Variants in PLEKHG1 observed in about 807,000 individuals in gnomAD.
PLEKHG1 encodes the protein pleckstrin homology and RhoGEF domain containing G1, also known as pleckstrin homology domain-containing family G member 1.
A neutral mutation model predicts 100.8 loss-of-function variants in PLEKHG1; 44 were observed. That is an observed-to-expected ratio of 0.44 (90% CI 0.34 to 0.56). PLEKHG1 has a LOEUF of 0.56. PLEKHG1 is among the 20% of genes least tolerant of loss of function. The probability of loss-of-function intolerance (pLI) is 0.01; values close to 1 mark genes in which losing one functional copy is unlikely to be tolerated. For synonymous variants in PLEKHG1, 640 were observed against 662.5 expected (o/e 0.97, Z 0.52); for missense variants, 1,545 against 1,720.9 (o/e 0.90, Z 1.81).
At chr6:150,761,222 C>T (rs190578148) in intron 2 of PLEKHG1, among the ~76,000 whole-genome samples, 3 of 151,200 alleles carry the variant, frequency 2.0e-5, no homozygotes, top group Non-Finnish European at 2.9e-5. Context: ...TCTCCTGCCT[C>T]GGCCTCCCAA....
chr6:150,823,926 C>G (rs1282925415), intron 14 of PLEKHG1, among the ~76,000 whole-genome samples: 3 of 152,218 alleles, frequency 2.0e-5, no homozygotes, highest in Non-Finnish European at 4.4e-5. Flanking sequence ...TCCTCTGCCC[C>G]ATATCACACC....
Position 150,658,400 on chromosome 6 carries a change from C to G in PLEKHG1, c.-99+7614C>G, listed in dbSNP as rs1019649686. 1.9e-4 allele frequency among the ~76,000 whole-genome samples: 29 copies of G among 152,056 alleles called. 1 individual carries two copies. Among genetic ancestry groups the G allele is most frequent in the African/African-American group, 6.8e-4 (28 of 41,392 alleles). On this transcript the variant is annotated intron_variant, in intron 3 of 3. Coordinates refer to the PLEKHG1 transcript ENST00000367326. ...CTTTGTCTTAAAAAAAAATGTGAGG[C>G]CTGGCTTCTTATAGTGTTGTAACTT...
rs529177946 is a variant in PLEKHG1, at chr6:150,617,834, T to C, written c.-204+17817T>C. ...TTATTGATGGGTATATCAGCAGCCATTGTTTTGTGTAAGGCCTGGGGTGTG... is the reference window on the plus strand; with the variant it reads ...TTATTGATGGGTATATCAGCAGCCACTGTTTTGTGTAAGGCCTGGGGTGTG... On this transcript the variant is annotated intron_variant, in intron 1 of 3. Transcript: ENST00000367326. Among the ~76,000 whole-genome samples the C allele has an allele frequency of 1.2e-4, 18 of 152,252 alleles. No individual in the cohort carries two copies. The South Asian group carries it at 1.7e-3, about 14-fold the overall frequency.
intron 2 of PLEKHG1, among the ~76,000 whole-genome samples, chr6:150,760,920 T>C (rs373172045): frequency 9.2e-5 from 14 of 152,210 alleles, no homozygotes; most frequent in African/African-American, 3.1e-4. Flanking sequence ...ATAAGGACTT[T>C]TCTAATTGTT....
In PLEKHG1 at chr6:150,711,299, C is replaced by T. The variant is rs1278393626; in HGVS notation, c.-98-22285C>T. On this transcript the variant is annotated intron_variant, in intron 3 of 3. Coordinates refer to the PLEKHG1 transcript ENST00000367326. ...GCAGCTCTCCCCTTTGACCTCCCTG[C>T]ACCGCTCCCCATCACTGAACCCTGC... 2.0e-5 allele frequency among the ~76,000 whole-genome samples: 3 copies of T among 152,128 alleles called. No individual in the cohort carries two copies. In the South Asian group the frequency reaches 6.2e-4, roughly 32 times the overall value.
At chr6:150,670,875 C>G (rs941281428) in intron 3 of PLEKHG1, among the ~76,000 whole-genome samples, 51 of 148,810 alleles carry the variant, frequency 3.4e-4, no homozygotes, top group African/African-American at 1.2e-3. Context: ...CCTTGCCCCC[C>G]CCTCCCATTC....
intron 1 of PLEKHG1, among the ~76,000 whole-genome samples, chr6:150,635,139 C>T (rs1777940712): frequency 6.6e-6 from 1 of 152,216 alleles, no homozygotes; most frequent in Non-Finnish European, 1.5e-5. Flanking sequence ...TTGACTTTCA[C>T]ACAAATGTTT....
chr6:150,796,196 C>T (rs571297193), intron 5 of PLEKHG1, among the ~76,000 whole-genome samples: 6 of 152,276 alleles, frequency 3.9e-5, no homozygotes, highest in South Asian at 2.1e-4. Context: ...TGCATCAGGC[C>T]GCAAGTCTTG....
intron 3 of PLEKHG1, among the ~76,000 whole-genome samples, chr6:150,707,984 G>A (rs1163409372): frequency 2.6e-5 from 4 of 152,032 alleles, no homozygotes; most frequent in East Asian, 1.9e-4. Flanking sequence ...CCCCTGCCCC[G>A]GATATTCAGC....
At chr6:150,821,677 G>A (rs186969304) in intron 13 of PLEKHG1, among the ~76,000 whole-genome samples, 309 of 151,660 alleles carry the variant, frequency 2.0e-3, no homozygotes, top group Non-Finnish European at 3.6e-3. Flanking sequence ...GAGTGAGACC[G>A]TGTCACAAAA....
chr6:150,607,874 T>G (rs1776667756), intron 1 of PLEKHG1, among the ~76,000 whole-genome samples: 1 of 152,186 alleles, frequency 6.6e-6, no homozygotes, highest in African/African-American at 2.4e-5. Context: ...GAAAGCACTT[T>G]GGGAAATATT....
chr6:150,641,337 A>G (rs370089938), intron 2 of PLEKHG1, among the ~76,000 whole-genome samples: 5 of 152,326 alleles, frequency 3.3e-5, no homozygotes, highest in African/African-American at 1.2e-4. Context: ...TGCAAAAGAG[A>G]TGATCTGTGA....
chr6:150,816,724 C>T (rs763131117), intron 10 of PLEKHG1, among the ~76,000 whole-genome samples: 61 of 152,154 alleles, frequency 4.0e-4, no homozygotes, highest in Non-Finnish European at 7.2e-4. Context: ...TTAATTGCTC[C>T]TTGACACTCA....
chr6:150,628,576 A>ACACACACACACACACACACC lies in PLEKHG1; in HGVS notation c.-203-9503_-203-9502insACACACACACACACACACCC, dbSNP rs1317085737. ...CACACACACACACACACACACACAC[A>ACACACACACACACACACACC]CCCCGTCCTTGCCCTCCTGCACTGA... On this transcript the variant is annotated intron_variant, in intron 1 of 3. Transcript: ENST00000367326. 9.9e-4 allele frequency among the ~76,000 whole-genome samples: 107 copies of ACACACACACACACACACACC among 108,180 alleles called. 1 individual carries two copies. The highest frequency in any genetic ancestry group is 3.2e-3 in the African/African-American group (97 of 29,906). 71.0% of individuals were successfully genotyped at this position (108,180 alleles called of 152,430 possible). A position where few individuals can be genotyped will look rare whatever the true frequency, so the allele number is the denominator to read the frequency against.
intron 2 of PLEKHG1, among the ~76,000 whole-genome samples, chr6:150,736,670 G>A (rs773461132): frequency 1.3e-5 from 2 of 152,154 alleles, no homozygotes; most frequent in South Asian, 4.1e-4. Flanking sequence ...TTGGGAGGCT[G>A]AGACAGGAGA....
intron 3 of PLEKHG1, among the ~76,000 whole-genome samples, chr6:150,701,838 A>T (rs1466725): frequency 0.11 from 16,245 of 152,156 alleles, 2,237 homozygotes; most frequent in African/African-American, 0.32. Flanking sequence ...CCATAATAGG[A>T]AGTAAATTAA....
chr6:150,724,770 A>G (rs1220089194), intron 1 of PLEKHG1, among the ~76,000 whole-genome samples: 3 of 152,060 alleles, frequency 2.0e-5, no homozygotes, highest in Non-Finnish European at 4.4e-5. Context: ...CATGTTGGCC[A>G]GGCTGGTCTC....
intron 4 of PLEKHG1, among the ~76,000 whole-genome samples, chr6:150,794,521 G>A (rs1051788099): frequency 1.3e-5 from 2 of 152,062 alleles, no homozygotes; most frequent in Non-Finnish European, 2.9e-5. Flanking sequence ...CAAAAAATTA[G>A]CTGGGTGTGA....
chr6:150,759,691 G>A (rs1258705136), intron 2 of PLEKHG1, among the ~76,000 whole-genome samples: 1 of 152,098 alleles, frequency 6.6e-6, no homozygotes, highest in Non-Finnish European at 1.5e-5. Context: ...TCAGTGCTTA[G>A]CAATAAACTT....
Sources: gnomAD v4.1 joint callset for allele counts (sites outside exome capture counted in the v4.1 genomes callset) on GRCh38, gnomAD v4.1.1 for gene constraint, MANE v1.5 for transcripts, NCBI Gene and HGNC (gene_info 2026-07-23, HGNC 2026-07-21) for gene names.